The following OSBPL2 variants were observed in gnomAD, a reference collection of about 807,000 sequenced individuals.
OSBPL2 encodes oxysterol binding protein like 2.
In OSBPL2, 18 loss-of-function variants were observed where a neutral mutation model predicts 58.4. The observed-to-expected ratio is 0.31, with a 90% confidence interval of 0.21 to 0.46. OSBPL2 has a LOEUF of 0.46. Among genes scored for constraint, OSBPL2 ranks in the 20% least tolerant of loss-of-function variants. The pLI, the probability that OSBPL2 is intolerant of heterozygous loss-of-function variation, is 1.00. For missense variants in OSBPL2, 461 were observed against 616.5 expected (o/e 0.75, Z 2.67); for synonymous variants, 221 against 234.1 (o/e 0.94, Z 0.51).
chr20:62,273,230 C>T (rs1252492056), intron 5 of OSBPL2, 79 bp from the exon 6 acceptor site: 12 of 1,085,288 alleles, frequency 1.1e-5, no homozygotes, highest in African/African-American at 8.0e-5. Flanking sequence ...AGGTGCCCAC[C>T]GCCCTCCACA....
rs761632270 is a variant in OSBPL2, at chr20:62,291,727, G to A, written c.1274G>A (p.Arg425Gln). The change falls in exon 13 of 14, where the codon CGG (arginine) becomes CAG (glutamine). Residue 425 changes from arginine to glutamine, a missense_variant. By Grantham distance (43) the Arg-to-Gln change is conservative (BLOSUM62 1). Transcript: ENST00000313733. ...NMDLASQEKE[R>Q]LEEKQREARR... is the part of the protein sequence containing the mutation. ...GATCTGGCCAGCCAGGAGAAGGAGC[G>A]GCTGGAGGAGAAGCAGAGAGAAGCA... 1.9e-6 allele frequency: 3 copies of A among 1,613,698 alleles called. No homozygotes were observed. The highest frequency in any genetic ancestry group is 2.2e-5 in the East Asian group (1 of 44,874).
chr20:62,260,172 C>T, intron 3 of OSBPL2, 47 bp downstream of exon 3: 1 of 1,575,790 alleles, frequency 6.3e-7, no homozygotes, highest in Non-Finnish European at 8.7e-7. Context: ...CTGTAATCAC[C>T]CCAAAAATAC....
At chr20:62,281,682 A>AC in intron 8 of OSBPL2, 108 bp from the exon 9 acceptor site, 2 of 742,212 alleles carry the variant, frequency 2.7e-6, no homozygotes, top group South Asian at 3.2e-5. Flanking sequence ...ATTTGCAGTC[A>AC]CCCCCCGCCT....
intron 4 of OSBPL2, 50 bp from the exon 5 acceptor site, chr20:62,272,075 G>C (rs2145951338): frequency 1.2e-6 from 2 of 1,607,290 alleles, no homozygotes; most frequent in African/African-American, 2.7e-5. Flanking sequence ...GGGCAGCCCA[G>C]CGGTGTCAGG....
At chr20:62,290,330 G>A (rs1368414447) in intron 12 of OSBPL2, among the ~76,000 whole-genome samples, 1 of 151,882 alleles carries the variant, frequency 6.6e-6, no homozygotes, top group Non-Finnish European at 1.5e-5. Flanking sequence ...CAACCTCCCA[G>A]GTTCAAGCCA....
chr20:62,253,924 T>G (rs1160779398), intron 1 of OSBPL2, among the ~76,000 whole-genome samples: 1 of 152,076 alleles, frequency 6.6e-6, no homozygotes, highest in Non-Finnish European at 1.5e-5. Flanking sequence ...CCCAAGTAGC[T>G]GGGATTATAG....
chr20:62,243,062 G>T (rs1474127020), intron 1 of OSBPL2, among the ~76,000 whole-genome samples: 5 of 152,160 alleles, frequency 3.3e-5, no homozygotes, highest in African/African-American at 1.2e-4. Flanking sequence ...CACTGTGCTC[G>T]GCCAGAGAGC....
intron 1 of OSBPL2, among the ~76,000 whole-genome samples, chr20:62,240,735 C>G (rs1426352336): frequency 3.9e-5 from 6 of 152,104 alleles, no homozygotes; most frequent in African/African-American, 1.4e-4. Context: ...ACATATAGAA[C>G]TAATAGACTT....
At position 62,246,294 on chromosome 20, in the gene OSBPL2, G is replaced by C. The variant is rs117114865; in HGVS notation, c.-129+7697G>C. Among the ~76,000 whole-genome samples, 19 of 152,360 alleles carry C rather than the reference G, an allele frequency of 1.2e-4. No homozygotes were observed. The East Asian group carries it at 3.7e-3, about 29-fold the overall frequency. ...GAAGTGAAGTCAATTCAGCTGATTAGCATCCAGCATTCAGTTCTCCCTCAC... is the reference window on the plus strand; with the variant it reads ...GAAGTGAAGTCAATTCAGCTGATTACCATCCAGCATTCAGTTCTCCCTCAC... On this transcript the variant is annotated intron_variant, in intron 1 of 13. Transcript: ENST00000313733.
chr20:62,260,202 C>T, intron 3 of OSBPL2, 77 bp downstream of exon 3: 1 of 1,406,388 alleles, frequency 7.1e-7, no homozygotes, highest in Non-Finnish European at 9.8e-7. Context: ...TACCCCTCAG[C>T]CCTCACGAGC....
intron 1 of OSBPL2, among the ~76,000 whole-genome samples, chr20:62,250,043 C>T (rs1568826597): frequency 6.6e-6 from 1 of 152,252 alleles, no homozygotes; most frequent in African/African-American, 2.4e-5. Context: ...GAGCTCAGCT[C>T]CAGGGTTGCC....
Position 62,294,798 on chromosome 20 carries a change from A to G in OSBPL2, c.*911A>G, listed in dbSNP as rs1263733149. ...TTCCCAGTATGCATGTTTAAAATAG[A>G]AGTGACAAGAATCACATCCGGTTGT... On this transcript the variant is annotated 3_prime_UTR_variant, in exon 14 of 14. Coordinates refer to ENST00000313733, the MANE Select transcript of OSBPL2 (RefSeq NM_144498.4). 6.6e-6 allele frequency: 1 copy of G among 152,274 alleles called. No homozygotes were observed. The highest frequency in any genetic ancestry group is 2.1e-4 in the South Asian group (1 of 4,832). 9.4% of individuals were successfully genotyped at this position (152,274 alleles called of 1,614,324 possible).
At chr20:62,246,704 T>TCCCTCAGCCCCTGC (rs1980140857) in intron 1 of OSBPL2, among the ~76,000 whole-genome samples, 1 of 152,140 alleles carries the variant, frequency 6.6e-6, no homozygotes, top group African/African-American at 2.4e-5. Context: ...TGCGCCCCTG[T>TCCCTCAGCCCCTGC]CCCTCAGCCC....
intron 9 of OSBPL2, 119 bp downstream of exon 9, chr20:62,281,998 C>A: frequency 1.6e-6 from 1 of 615,362 alleles, no homozygotes; most frequent in South Asian, 2.0e-5. Flanking sequence ...TACACCAGTG[C>A]CATCTGTTCA....
rs1004627375 is a variant in OSBPL2 at position 62,269,647 on chromosome 20, G to C, written c.259-2478G>C. 6.6e-6 allele frequency among the ~76,000 whole-genome samples: 1 copy of C among 152,222 alleles called. No individual in the cohort carries two copies. The highest frequency in any genetic ancestry group is 1.5e-5 in the Non-Finnish European group (1 of 68,044). On this transcript the variant is annotated intron_variant, in intron 4 of 13. Transcript: ENST00000313733. This position sits in a 1 kb window ranked among gnomAD's most constrained non-coding sequence, Gnocchi z 4.2. ...TGTGGCCTCTTCTAGTTTACCAGGC[G>C]TTTAGAGCACGGGAGGCTGTTGATC...
intron 1 of OSBPL2, among the ~76,000 whole-genome samples, chr20:62,248,672 CTTTATTTA>C (rs3078864): frequency 2.8e-4 from 41 of 147,852 alleles, no homozygotes; most frequent in Middle Eastern, 3.5e-3. Context: ...GTCAGATCTG[CTTTATTTA>C]TTTATTTATT....
At chr20:62,272,668 G>T (rs994289463) in intron 5 of OSBPL2, among the ~76,000 whole-genome samples, 1 of 152,228 alleles carries the variant, frequency 6.6e-6, no homozygotes, top group East Asian at 1.9e-4. Context: ...GGAGGCTGAG[G>T]TGGATGAATT....
intron 1 of OSBPL2, among the ~76,000 whole-genome samples, chr20:62,252,124 T>C (rs1476280544): frequency 6.6e-6 from 1 of 151,930 alleles, no homozygotes; most frequent in East Asian, 1.9e-4. Context: ...GCTCAAGCGA[T>C]CCACCTGCCT....
intron 12 of OSBPL2, among the ~76,000 whole-genome samples, chr20:62,290,133 C>T (rs1489586437): frequency 1.3e-5 from 2 of 152,194 alleles, no homozygotes; most frequent in African/African-American, 4.8e-5. Flanking sequence ...TGTAACATGG[C>T]AGATGAACAA....
Sources: allele counts gnomAD v4.1 joint callset (sites outside exome capture counted in the v4.1 genomes callset), GRCh38; gene constraint gnomAD v4.1.1; non-coding constraint Gnocchi (gnomAD v3.1); transcripts MANE v1.5; gene names NCBI Gene and HGNC (gene_info 2026-07-23, HGNC 2026-07-21).